Variants in D2HGDH observed in about 807,000 individuals in gnomAD.
D2HGDH encodes the protein D-2-hydroxyglutarate dehydrogenase, mitochondrial.
In D2HGDH, 31 loss-of-function variants were observed where a neutral mutation model predicts 46.9. That is an observed-to-expected ratio of 0.66 (90% CI 0.50 to 0.89). D2HGDH has a LOEUF of 0.89. Among genes scored for constraint, D2HGDH ranks in the 40% least tolerant of loss-of-function variants. The pLI is 0.00. For synonymous variants in D2HGDH, 364 were observed against 332.6 expected, an observed-to-expected ratio of 1.09 and a Z score of -1.03; for missense variants, 698 against 720.8, an observed-to-expected ratio of 0.97 and a Z score of 0.36.
rs1326697806 is a variant in D2HGDH at position 241,742,534 on chromosome 2, T to A, written c.450T>A (p.Thr150=). 14 of 1,613,982 alleles carry A rather than the reference T, an allele frequency of 8.7e-6. No individual in the cohort carries two copies. Among genetic ancestry groups the A allele is most frequent in the Non-Finnish European group, 1.2e-5 (14 of 1,180,010 alleles). The part of the protein sequence containing the change: ...VPVFDEIILS[T]ARMNRVLSFH... The stretch of plus-strand genomic sequence containing the variant: ...TCTTTGACGAGATCATCCTCTCCAC[T>A]GCCCGCATGAACCGGGTCCTCAGCT... Residue 150 remains threonine, a synonymous_variant, in exon 4 of 10, where the codon ACT becomes ACA. Transcript: ENST00000321264. This position sits in a 1 kb window ranked among gnomAD's most constrained non-coding sequence, Gnocchi z 4.8.
At chr2:241,758,752 C>T (rs76180006) in intron 9 of D2HGDH, among the ~76,000 whole-genome samples, 7 of 148,564 alleles carry the variant, frequency 4.7e-5, no homozygotes, top group Non-Finnish European at 1.0e-4. Context: ...TCTATACCGC[C>T]CCCCGCCCCA....
At chr2:241,736,825 T>A (rs1366732977) in intron 2 of D2HGDH, among the ~76,000 whole-genome samples, 4 of 151,586 alleles carry the variant, frequency 2.6e-5, no homozygotes, top group Non-Finnish European at 5.9e-5. Flanking sequence ...CATGCCCGGC[T>A]AATTTTTGTA....
chr2:241,744,832 A>G lies in D2HGDH; in HGVS notation c.808A>G (p.Ile270Val), dbSNP rs757789343. 2 of 1,613,998 alleles carry G rather than the reference A, an allele frequency of 1.2e-6. No homozygotes were observed. Among genetic ancestry groups the G allele is most frequent in the Non-Finnish European group, 1.7e-6 (2 of 1,179,978 alleles). ...GTLGIITTVS[I>V]LCPPKPRAVN... The stretch of plus-strand genomic sequence containing the variant: ...TTTGGGGATCATCACCACGGTGTCC[A>G]TCTTGTGTCCACCCAAGCCCAGGGC... Residue 270 changes from isoleucine to valine, a missense_variant, in exon 6 of 10, where the codon ATC becomes GTC. Ile to Val is a conservative substitution (Grantham distance 29). Transcript: ENST00000321264.
At chr2:241,763,173 A>T (rs1698985965) in intron 9 of D2HGDH, among the ~76,000 whole-genome samples, 1 of 152,156 alleles carries the variant, frequency 6.6e-6, no homozygotes, top group South Asian at 2.1e-4. Context: ...TTGCTGAATG[A>T]TGGGGATGCG....
In D2HGDH at chr2:241,735,202, C is replaced by A; in HGVS notation, c.-23C>A. The A allele has an allele frequency of 6.6e-7, 1 of 1,504,218 alleles. No homozygotes were observed. Among genetic ancestry groups the A allele is most frequent in the South Asian group, 1.2e-5 (1 of 80,622 alleles). The allele number at this position is 1,504,218 out of a possible 1,614,324, so 93.2% of individuals were successfully genotyped here. A position where few individuals can be genotyped will look rare whatever the true frequency, so the allele number is the denominator to read the frequency against. ...TACCGGCCCCCCACCAAGGAGGAGC[C>A]CGAGGTCTCCGTCCCGGCGGCGATG... On this transcript the variant is annotated 5_prime_UTR_variant, in exon 2 of 10. Coordinates refer to ENST00000321264, the MANE Select transcript of D2HGDH (RefSeq NM_152783.5).
rs761760267 is a variant in D2HGDH, at chr2:241,744,770, A to G, written c.746A>G (p.Tyr249Cys). The change falls in exon 6 of 10, where the codon TAT becomes TGT. Residue 249 changes from tyrosine (Y) to cysteine (C), a missense_variant. Transcript: ENST00000321264. ...LTSLRKDNTGYDLKQLFIGSE... is the reference protein window; with the variant it reads ...LTSLRKDNTGCDLKQLFIGSE... ...TCCCTGAGGAAGGACAACACGGGCT[A>G]TGACCTGAAGCAGCTGTTCATCGGG... 64 of 1,614,118 alleles carry G rather than the reference A, an allele frequency of 4.0e-5. No individual in the cohort carries two copies. The highest frequency in any genetic ancestry group is 2.6e-5 in the Non-Finnish European group (31 of 1,180,048).
chr2:241,764,462 A>G (rs994842617), intron 9 of D2HGDH, among the ~76,000 whole-genome samples: 7 of 152,132 alleles, frequency 4.6e-5, no homozygotes, highest in Admixed American at 6.5e-5. Context: ...ACAAACAGTC[A>G]AATTTTAGGG....
chr2:241,763,870 C>T (rs903354022), intron 9 of D2HGDH, among the ~76,000 whole-genome samples: 7 of 151,960 alleles, frequency 4.6e-5, no homozygotes, highest in Middle Eastern at 3.4e-3. Flanking sequence ...CCCCCACCCC[C>T]GACCACCCGC....
chr2:241,742,459 C>T lies in D2HGDH; in HGVS notation c.375C>T (p.Ala125=), dbSNP rs745891471. The T allele has an allele frequency of 1.4e-5, 22 of 1,613,232 alleles. No homozygotes were observed. The highest frequency in any genetic ancestry group is 2.2e-5 in the East Asian group (1 of 44,884). The change falls in exon 4 of 10, where the codon GCC becomes GCT. Residue 125 remains alanine, a synonymous_variant. Transcript: ENST00000321264. This position sits in a 1 kb window ranked among gnomAD's most constrained non-coding sequence, Gnocchi z 4.8. Reference sequence around the variant, plus strand: ...GGCACTGCCACGAGAGGAACCTGGCCGTGAACCCACAGGGGGGCAACACAG... The same window carrying T: ...GGCACTGCCACGAGAGGAACCTGGCTGTGAACCCACAGGGGGGCAACACAG... ...ILRHCHERNL[A]VNPQGGNTGM... is the part of the protein sequence containing the mutation.
intron 2 of D2HGDH, among the ~76,000 whole-genome samples, chr2:241,738,656 C>T (rs1300778318): frequency 1.3e-5 from 2 of 152,194 alleles, no homozygotes; most frequent in African/African-American, 4.8e-5. Flanking sequence ...CCCCTGGGTC[C>T]CCGCTCTCTG....
chr2:241,748,983 C>T (rs779119234), intron 6 of D2HGDH: 9 of 1,251,070 alleles, frequency 7.2e-6, no homozygotes, highest in South Asian at 5.3e-5. Context: ...GCCACGCCCA[C>T]GTCTAAGCCG....
At position 241,768,418 on chromosome 2, in the gene D2HGDH, C is replaced by T. The variant is rs4234096; in HGVS notation, c.*449C>T. 0.52 allele frequency: 93,234 copies of T among 178,378 alleles called. 25,792 individuals carry two copies. The highest frequency in any genetic ancestry group is 0.67 in the South Asian group (5,479 of 8,142). The allele number at this position is 178,378 out of a possible 1,614,324, so 11.0% of individuals were successfully genotyped here. A position where few individuals can be genotyped will look rare whatever the true frequency, so the allele number is the denominator to read the frequency against. ...GCAGGGGGCGTGGGCAGCGGGGGCA[C>T]GGGCAGGACCACGTGGGCCGTGATC... On this transcript the variant is annotated 3_prime_UTR_variant, in exon 10 of 10. Transcript: ENST00000321264.
chr2:241,762,943 G>A (rs1173019547), intron 9 of D2HGDH, among the ~76,000 whole-genome samples: 1 of 152,170 alleles, frequency 6.6e-6, no homozygotes, highest in Non-Finnish European at 1.5e-5. Context: ...GTCTTCTTGT[G>A]TGTGTGATTT....
rs1291580692 is a variant in D2HGDH at position 241,767,647 on chromosome 2, G to A, written c.1307-63G>A. 17 of 1,608,324 alleles carry A rather than the reference G, an allele frequency of 1.1e-5. No individual in the cohort carries two copies. In the Admixed American group the frequency reaches 2.7e-4, roughly 25 times the overall value. The stretch of plus-strand genomic sequence containing the variant: ...AGGGGATCTTGGGAGGGGCTGTTGG[G>A]GGAGGAGTGGGGTCCTGGGGGCTGC... On this transcript the variant is annotated intron_variant, in intron 9 of 9. Coordinates refer to ENST00000321264, the MANE Select transcript of D2HGDH (RefSeq NM_152783.5).
chr2:241,751,422 C>G (rs761737303), intron 8 of D2HGDH, 34 bp downstream of exon 8: 1 of 1,610,874 alleles, frequency 6.2e-7, no homozygotes, highest in African/African-American at 1.3e-5. Flanking sequence ...TCCCCGCTCT[C>G]TGTCCGTCCA....
Position 241,743,497 on chromosome 2 carries a change from C to T in D2HGDH, c.491-125C>T. 9.0e-7 allele frequency: 1 copy of T among 1,114,270 alleles called. No homozygotes were observed. Among genetic ancestry groups the T allele is most frequent in the African/African-American group, 1.5e-5 (1 of 64,736 alleles). The allele number at this position is 1,114,270 out of a possible 1,614,324, so 69.0% of individuals were successfully genotyped here. On this transcript the variant is annotated intron_variant, in intron 4 of 9. Coordinates refer to ENST00000321264, the MANE Select transcript of D2HGDH (RefSeq NM_152783.5). This position sits in a 1 kb window ranked among gnomAD's most constrained non-coding sequence, Gnocchi z 4.8. ...GCGATGTGGGGGTGCCTCTTCTCCTCAGCCCTGGCGCTGAGGCTGATGTTC... is the reference window on the plus strand; with the variant it reads ...GCGATGTGGGGGTGCCTCTTCTCCTTAGCCCTGGCGCTGAGGCTGATGTTC...
At chr2:241,738,611 C>CT (rs1371969844) in intron 2 of D2HGDH, among the ~76,000 whole-genome samples, 1 of 152,238 alleles carries the variant, frequency 6.6e-6, no homozygotes, top group Non-Finnish European at 1.5e-5. Flanking sequence ...TCTCCTCTGC[C>CT]TTGCCTGAGC....
intron 1 of D2HGDH, 34 bp from the exon 2 acceptor site, chr2:241,735,099 C>T (rs1692394583): frequency 2.0e-6 from 2 of 1,022,398 alleles, no homozygotes; most frequent in East Asian, 3.0e-5. Flanking sequence ...GTACAACGTG[C>T]ATAAAACATG....
chr2:241,763,709 CGTT>C (rs1050681353), intron 9 of D2HGDH, among the ~76,000 whole-genome samples: 4 of 152,116 alleles, frequency 2.6e-5, no homozygotes, highest in East Asian at 1.9e-4. Flanking sequence ...TTGGGTGAAA[CGTT>C]GTTATGAAGC....
Sources: gnomAD v4.1 joint callset for allele counts (sites outside exome capture counted in the v4.1 genomes callset) on GRCh38, gnomAD v4.1.1 for gene constraint, Gnocchi (gnomAD v3.1) non-coding constraint, MANE v1.5 for transcripts, NCBI Gene and HGNC (gene_info 2026-07-23, HGNC 2026-07-21) for gene names.